The following RPTOR variants were observed in gnomAD, a reference collection of about 807,000 sequenced individuals.
RPTOR encodes the protein regulatory associated protein of MTOR complex 1, also known as regulatory-associated protein of mTOR.
RPTOR carries 21 observed loss-of-function variants against 169.9 expected under a neutral mutation model. The ratio of observed to expected loss-of-function variants is 0.12; its 90% confidence interval spans 0.09 to 0.18. The LOEUF is 0.18. Ranked by LOEUF, RPTOR falls within the 10% of genes least tolerant of loss-of-function variation. RPTOR has a pLI of 1.00. For synonymous variants in RPTOR, 732 were observed against 753.2 expected, an observed-to-expected ratio of 0.97 and a Z score of 0.46; for missense variants, 1,133 against 1,855.9, an observed-to-expected ratio of 0.61 and a Z score of 7.16.
At position 80,865,448 on chromosome 17, in the gene RPTOR, C is replaced by T. The variant is rs538784387; in HGVS notation, c.1509+7548C>T. ...CACGAGTAGATTGAAGGCAAAAGGA[C>T]GGGAAGAGCTCTGCCATGCAGGCAC... is the stretch of plus-strand genomic sequence containing the variant. On this transcript the variant is annotated intron_variant, in intron 13 of 33. Coordinates refer to ENST00000306801, the MANE Select transcript of RPTOR (RefSeq NM_020761.3). 3.9e-5 allele frequency among the ~76,000 whole-genome samples: 6 copies of T among 152,176 alleles called. No individual in the cohort carries two copies. The South Asian group carries it at 1.0e-3, about 26-fold the overall frequency.
At chr17:80,699,803 A>G (rs113492309) in intron 3 of RPTOR, among the ~76,000 whole-genome samples, 239 of 92,160 alleles carry the variant, frequency 2.6e-3, no homozygotes, top group African/African-American at 3.6e-3. Context: ...TGTGCACGGT[A>G]CCCTGGTGCA....
chr17:80,919,514 C>A (rs936349681), intron 21 of RPTOR, among the ~76,000 whole-genome samples: 169 of 152,362 alleles, frequency 1.1e-3, no homozygotes, highest in African/African-American at 3.7e-3. Context: ...GGAAAATTCA[C>A]TGTCCAAGTC....
chr17:80,905,133 T>C (rs1049924262), intron 20 of RPTOR, among the ~76,000 whole-genome samples: 2 of 151,962 alleles, frequency 1.3e-5, no homozygotes, highest in African/African-American at 4.8e-5. Context: ...AGTTTCCTTA[T>C]AATGCCAAAC....
chr17:80,666,096 C>T (rs978699745), intron 3 of RPTOR, among the ~76,000 whole-genome samples: 3 of 152,050 alleles, frequency 2.0e-5, no homozygotes, highest in African/African-American at 7.2e-5. Flanking sequence ...GCTATACTTT[C>T]GATGCCTTTC....
chr17:80,929,317 A>G (rs1374580891), intron 24 of RPTOR, among the ~76,000 whole-genome samples: 1 of 152,262 alleles, frequency 6.6e-6, no homozygotes, highest in East Asian at 1.9e-4. Flanking sequence ...TTGGCCAGTT[A>G]CACAGCAGGC....
intron 3 of RPTOR, among the ~76,000 whole-genome samples, chr17:80,691,524 G>A (rs1267007087): frequency 1.3e-5 from 2 of 152,196 alleles, no homozygotes; most frequent in Non-Finnish European, 2.9e-5. Flanking sequence ...TTGAATGCAT[G>A]ACTTACTCTA....
Position 80,754,218 on chromosome 17 carries a change from C to A in RPTOR, c.830+33C>A, listed in dbSNP as rs1043802046. The A allele has an allele frequency of 1.3e-6, 2 of 1,551,830 alleles. No homozygotes were observed. Among genetic ancestry groups the A allele is most frequent in the Non-Finnish European group, 1.7e-6 (2 of 1,144,808 alleles). On this transcript the variant is annotated intron_variant, in intron 6 of 33. Coordinates refer to ENST00000306801, the MANE Select transcript of RPTOR (RefSeq NM_020761.3). This position sits in a 1 kb window ranked among gnomAD's most constrained non-coding sequence, Gnocchi z 4.2. ...GCCCCTGCTGTGCCCCTGGGACCCA[C>A]TCAACTGGGCTCTCCCGCAGGGACC...
intron 13 of RPTOR, among the ~76,000 whole-genome samples, chr17:80,872,189 C>G (rs532459912): frequency 6.6e-6 from 1 of 152,302 alleles, no homozygotes; most frequent in South Asian, 2.1e-4. Flanking sequence ...ATTTGTGAAG[C>G]CAGCATCTTT....
intron 1 of RPTOR, among the ~76,000 whole-genome samples, chr17:80,556,384 A>C (rs2084408904): frequency 6.6e-6 from 1 of 152,148 alleles, no homozygotes. Flanking sequence ...GGTGGTGCGC[A>C]CCTGTGGTCC....
At chr17:80,759,731 T>C (rs1266660214) in intron 6 of RPTOR, among the ~76,000 whole-genome samples, 1 of 152,180 alleles carries the variant, frequency 6.6e-6, no homozygotes, top group Non-Finnish European at 1.5e-5. Context: ...TAATTACGTA[T>C]GTTTTTAGGG....
intron 3 of RPTOR, among the ~76,000 whole-genome samples, chr17:80,702,450 G>T (rs1203368147): frequency 1.3e-5 from 2 of 152,154 alleles, no homozygotes; most frequent in African/African-American, 2.4e-5. Flanking sequence ...ATGATCAGAT[G>T]CTCCCGTGCC....
chr17:80,726,972 C>T lies in RPTOR; in HGVS notation c.508-3588C>T, dbSNP rs896359407. 4.6e-5 allele frequency among the ~76,000 whole-genome samples: 7 copies of T among 152,140 alleles called. No homozygotes were observed. Among genetic ancestry groups the T allele is most frequent in the Non-Finnish European group, 1.0e-4 (7 of 68,032 alleles). On this transcript the variant is annotated intron_variant, in intron 4 of 33. Coordinates refer to ENST00000306801, the MANE Select transcript of RPTOR (RefSeq NM_020761.3). The surrounding 1 kb of genome is among the most constrained non-coding windows in gnomAD (Gnocchi z 4.5). ...CCCCCAACCCCTGGGGACCTGTGAG[C>T]GCAGCCTGCAAGCTCCGGCTCCAGG...
intron 25 of RPTOR, 64 bp from the exon 26 acceptor site, chr17:80,945,603 A>G: frequency 1.8e-6 from 2 of 1,088,576 alleles, no homozygotes; most frequent in Non-Finnish European, 2.7e-6. Flanking sequence ...AAAAAAATAA[A>G]TAAATAAATA....
chr17:80,963,407 G>A lies in RPTOR; in HGVS notation c.3939+350G>A, dbSNP rs145883925. The stretch of plus-strand genomic sequence containing the variant: ...GCGGCCCTCACCCCGTCCCCTGTGC[G>A]GCCCTCACCCCGTCCCCTCTGCGGC... On this transcript the variant is annotated intron_variant, in intron 33 of 33. Coordinates refer to ENST00000306801, the MANE Select transcript of RPTOR (RefSeq NM_020761.3). 9.5e-3 allele frequency among the ~76,000 whole-genome samples: 1,361 copies of A among 142,944 alleles called. 31 individuals are homozygous for A. The highest frequency in any genetic ancestry group is 0.034 in the African/African-American group (1,284 of 37,880). The allele number at this position is 142,944 out of a possible 152,430, so 93.8% of individuals were successfully genotyped here. A position where few individuals can be genotyped will look rare whatever the true frequency, so the allele number is the denominator to read the frequency against.
At chr17:80,551,819 T>C (rs1455941930) in intron 1 of RPTOR, among the ~76,000 whole-genome samples, 1 of 152,110 alleles carries the variant, frequency 6.6e-6, no homozygotes, top group Non-Finnish European at 1.5e-5. Flanking sequence ...TTTCAGACTA[T>C]CACATGGGGA....
chr17:80,827,968 G>A lies in RPTOR; in HGVS notation c.1136+4745G>A, dbSNP rs1310867839. On this transcript the variant is annotated intron_variant, in intron 9 of 33. Transcript: ENST00000306801. Reference sequence around the variant, plus strand: ...GTAGGGCCAGGCTGTGGCTCTAGCCGTCTAGTGCCAGCCTGCCCCATGCTG... The same window carrying A: ...GTAGGGCCAGGCTGTGGCTCTAGCCATCTAGTGCCAGCCTGCCCCATGCTG... 5.3e-5 allele frequency among the ~76,000 whole-genome samples: 8 copies of A among 152,308 alleles called. No individual in the cohort carries two copies. In the South Asian group the frequency reaches 1.0e-3, roughly 20 times the overall value.
chr17:80,556,380 G>A (rs1344438686), intron 1 of RPTOR, among the ~76,000 whole-genome samples: 4 of 152,192 alleles, frequency 2.6e-5, no homozygotes, highest in African/African-American at 9.7e-5. Context: ...ACATGGTGGT[G>A]CGCACCTGTG....
In RPTOR at chr17:80,823,322, C is replaced by G; in HGVS notation, c.1136+99C>G. On this transcript the variant is annotated intron_variant, in intron 9 of 33. Transcript: ENST00000306801. This position sits in a 1 kb window ranked among gnomAD's most constrained non-coding sequence, Gnocchi z 4.5. ...GGAGCTGGGCAGGGAGGCCCCACAC[C>G]TAACTTGGGGACCCCGTGTAGCATT... The G allele has an allele frequency of 6.8e-7, 1 of 1,472,984 alleles. No individual in the cohort carries two copies. The highest frequency in any genetic ancestry group is 9.2e-7 in the Non-Finnish European group (1 of 1,090,782). The allele number at this position is 1,472,984 out of a possible 1,614,324, so 91.2% of individuals were successfully genotyped here. A position where few individuals can be genotyped will look rare whatever the true frequency, so the allele number is the denominator to read the frequency against.
At position 80,947,735 on chromosome 17, in the gene RPTOR, G is replaced by T. The variant is rs2069120458; in HGVS notation, c.3265+384G>T. Among the ~76,000 whole-genome samples the T allele has an allele frequency of 6.6e-6, 1 of 152,086 alleles. No individual in the cohort carries two copies. Among genetic ancestry groups the T allele is most frequent in the Non-Finnish European group, 1.5e-5 (1 of 68,032 alleles). On this transcript the variant is annotated intron_variant, in intron 27 of 33. Coordinates refer to ENST00000306801, the MANE Select transcript of RPTOR (RefSeq NM_020761.3). The surrounding 1 kb of genome is among the most constrained non-coding windows in gnomAD (Gnocchi z 4.4). ...CACGTGCCAGGTCCTCCCCGGCCAG[G>T]GTCTCCTGGCATCGCTGGCTCATTT...
Sources: gnomAD v4.1 joint callset for allele counts (sites outside exome capture counted in the v4.1 genomes callset) on GRCh38, gnomAD v4.1.1 for gene constraint, Gnocchi (gnomAD v3.1) non-coding constraint, MANE v1.5 for transcripts, NCBI Gene and HGNC (gene_info 2026-07-23, HGNC 2026-07-21) for gene names.